The following CHD9 variants were observed in gnomAD, a reference collection of about 807,000 sequenced individuals.
CHD9 encodes the protein chromodomain helicase DNA binding protein 9.
A neutral mutation model predicts 316.1 loss-of-function variants in CHD9; 77 were observed. That is an observed-to-expected ratio of 0.24 (90% CI 0.20 to 0.29). The LOEUF is 0.29. Ranked by LOEUF, CHD9 falls within the 10% of genes least tolerant of loss-of-function variation. CHD9 has a pLI of 1.00. For synonymous variants in CHD9, 1,129 were observed against 1,158.3 expected (o/e 0.97, Z 0.51); for missense variants, 2,763 against 3,438.1 (o/e 0.80, Z 4.91).
At chr16:53,311,047 A>G (rs2153095057) in intron 34 of CHD9, 1 of 151,880 alleles carries the variant, frequency 6.6e-6, no homozygotes, top group Admixed American at 6.6e-5. Context: ...TTAGCTGGAT[A>G]TGGTGGTGTG....
At chr16:53,227,238 T>C in intron 5 of CHD9, 158 bp from the exon 6 acceptor site, 2 of 531,088 alleles carry the variant, frequency 3.8e-6, no homozygotes, top group Non-Finnish European at 6.7e-6. Flanking sequence ...CAATGATATA[T>C]TTTTTTCATT....
intron 1 of CHD9, among the ~76,000 whole-genome samples, chr16:53,146,624 C>T (rs1422322412): frequency 1.3e-5 from 2 of 149,450 alleles, no homozygotes; most frequent in African/African-American, 2.5e-5. Context: ...ATAGCAAAAC[C>T]CCATCTCTGC....
chr16:53,231,747 A>C lies in CHD9; in HGVS notation c.2474A>C (p.Glu825Ala). Residue 825 changes from glutamate (E) to alanine (A), a missense_variant, in exon 10 of 39, where the codon GAA becomes GCA. Glu to Ala is a moderately radical substitution (Grantham distance 107). Coordinates refer to ENST00000447540, the MANE Select transcript of CHD9 (RefSeq NM_001308319.2). ...GATCTTGCAAAAATAGAAGAGTTTG[A>C]ACAACTGCAAGCTTCAAGGCCTGAC... ...DVDLAKIEEFEQLQASRPDTR... is the reference protein window; with the variant it reads ...DVDLAKIEEFAQLQASRPDTR... 1 of 1,612,028 alleles carries C rather than the reference A, an allele frequency of 6.2e-7. No homozygotes were observed. The highest frequency in any genetic ancestry group is 8.5e-7 in the Non-Finnish European group (1 of 1,179,104).
Position 53,157,153 on chromosome 16 carries a change from C to T in CHD9, c.1064C>T (p.Ser355Phe), listed in dbSNP as rs772615275. The T allele has an allele frequency of 2.5e-6, 4 of 1,609,328 alleles. No individual in the cohort carries two copies. Residue 355 changes from serine (S) to phenylalanine (F), a missense_variant, in exon 2 of 39, where the codon TCT (serine) becomes TTT (phenylalanine). By Grantham distance (155) the Ser-to-Phe change is radical. This residue lies in a region of CHD9 where 859 missense variants were observed against 890.4 expected (regional missense o/e 0.96). Coordinates refer to ENST00000447540, the MANE Select transcript of CHD9 (RefSeq NM_001308319.2). The stretch of plus-strand genomic sequence containing the variant: ...GGTAATTATAGCAATTCAAAATTAT[C>T]TCCTGTGCACATGAACTTCCCAGAT... ...PQGNYSNSKL[S>F]PVHMNFPDPV...
intron 10 of CHD9, among the ~76,000 whole-genome samples, chr16:53,233,638 C>G (rs1038256442): frequency 3.3e-5 from 5 of 152,082 alleles, no homozygotes; most frequent in African/African-American, 1.2e-4. Context: ...TCCTTTCTGC[C>G]CATTCCCCTT....
At chr16:53,139,009 C>T (rs529623513) in intron 1 of CHD9, among the ~76,000 whole-genome samples, 2 of 151,636 alleles carry the variant, frequency 1.3e-5, no homozygotes, top group South Asian at 2.1e-4. Flanking sequence ...TGTGGGAGGG[C>T]GTAAGTCTTT....
At chr16:53,071,762 T>C (rs2034074930) in intron 1 of CHD9, among the ~76,000 whole-genome samples, 1 of 152,190 alleles carries the variant, frequency 6.6e-6, no homozygotes, top group Non-Finnish European at 1.5e-5. Flanking sequence ...GTTGTCTGTC[T>C]TTCTGGCCCA....
chr16:53,106,414 G>A (rs1287143845), intron 1 of CHD9, among the ~76,000 whole-genome samples: 4 of 152,124 alleles, frequency 2.6e-5, no homozygotes, highest in African/African-American at 4.8e-5. Context: ...ATAGTAAAAG[G>A]TATAAACACC....
At position 53,303,811 on chromosome 16, in the gene CHD9, G is replaced by A; in HGVS notation, c.5805G>A (p.Arg1935=). ...LYRIELLRKV[R]EQALRHPQLF... ...GCATTGAACTTCTAAGGAAAGTACG[G>A]GAACAGGCCCTTCGACATCCACAGT... is the stretch of plus-strand genomic sequence containing the variant. Residue 1935 remains arginine, a synonymous_variant, in exon 31 of 39, where the codon CGG becomes CGA. Coordinates refer to ENST00000447540, the MANE Select transcript of CHD9 (RefSeq NM_001308319.2). 6.2e-7 allele frequency: 1 copy of A among 1,614,018 alleles called. No homozygotes were observed. The highest frequency in any genetic ancestry group is 8.5e-7 in the Non-Finnish European group (1 of 1,179,888).
chr16:53,243,967 C>A (rs994756302), intron 13 of CHD9, among the ~76,000 whole-genome samples: 3 of 152,146 alleles, frequency 2.0e-5, no homozygotes, highest in Non-Finnish European at 4.4e-5. Flanking sequence ...CAGTTCAACA[C>A]CTCATTCCAG....
In CHD9 at chr16:53,306,391, G is replaced by A; in HGVS notation, c.6774G>A (p.Trp2258Ter). 2 of 1,570,586 alleles carry A rather than the reference G, an allele frequency of 1.3e-6. No homozygotes were observed. The highest frequency in any genetic ancestry group is 1.7e-6 in the Non-Finnish European group (2 of 1,164,124). Reference protein sequence around the residue: ...QGGYMLAASYWPKDRVMINRL... With the variant: ...QGGYMLAASY ...GATATATGCTGGCAGCCTCGTATTG[G>A]CCAAAGGTAAAGAAATAATTTCTTA... The change falls in exon 32 of 39, where the codon TGG (tryptophan) becomes TGA (stop). Residue 2258 changes from tryptophan to a stop codon, truncating the protein, a stop_gained. Coordinates refer to ENST00000447540, the MANE Select transcript of CHD9 (RefSeq NM_001308319.2). LOFTEE classifies it high-confidence loss of function.
At chr16:53,162,780 A>T (rs1166917134) in intron 2 of CHD9, among the ~76,000 whole-genome samples, 1 of 148,924 alleles carries the variant, frequency 6.7e-6, no homozygotes, top group African/African-American at 2.5e-5. Context: ...AGCACATATA[A>T]GCCTTTTTTT....
intron 1 of CHD9, among the ~76,000 whole-genome samples, chr16:53,093,792 G>A (rs758538335): frequency 7.9e-5 from 12 of 152,130 alleles, no homozygotes; most frequent in Non-Finnish European, 1.6e-4. Context: ...CTCCTGGCTC[G>A]TTTCTGTGCT....
chr16:53,314,486 CT>C lies in CHD9; in HGVS notation c.7338del (p.Phe2446LeufsTer12). On this transcript the variant is annotated frameshift_variant, in exon 35 of 39. Transcript: ENST00000447540. LOFTEE classifies it high-confidence loss of function. ...RKNVEGVDIF[F>X]FNRNKPPNHV... The stretch of plus-strand genomic sequence containing the variant: ...AGAATGTAGAAGGTGTTGACATCTT[CT>C]TTTTTAACAGAAATAAACCACCTAA... The C allele has an allele frequency of 1.3e-6, 2 of 1,578,924 alleles. No homozygotes were observed. The highest frequency in any genetic ancestry group is 1.7e-6 in the Non-Finnish European group (2 of 1,161,354).
chr16:53,189,677 A>AT (rs761226212), intron 2 of CHD9, among the ~76,000 whole-genome samples: 55 of 152,086 alleles, frequency 3.6e-4, no homozygotes, highest in Non-Finnish European at 6.9e-4. Flanking sequence ...CTGTGTTTGT[A>AT]TTTTGGCTTT....
chr16:53,146,571 G>A (rs1159972649), intron 1 of CHD9, among the ~76,000 whole-genome samples: 4 of 150,834 alleles, frequency 2.7e-5, no homozygotes, highest in African/African-American at 7.3e-5. Context: ...GCCGAGGCGG[G>A]TGGATCACTT....
intron 2 of CHD9, among the ~76,000 whole-genome samples, chr16:53,190,448 G>C (rs1281508787): frequency 6.6e-6 from 1 of 151,804 alleles, no homozygotes; most frequent in African/African-American, 2.4e-5. Flanking sequence ...GAAATACAAG[G>C]CTGCATCTCA....
chr16:53,250,678 C>A (rs1045039959), intron 17 of CHD9: 1 of 151,632 alleles, frequency 6.6e-6, no homozygotes, highest in Non-Finnish European at 1.5e-5. Context: ...TATACTTGGA[C>A]TACATAGAAA....
chr16:53,316,327 A>G (rs546341659), intron 36 of CHD9, among the ~76,000 whole-genome samples: 3 of 152,312 alleles, frequency 2.0e-5, no homozygotes, highest in East Asian at 1.9e-4. Flanking sequence ...AGGGATTACT[A>G]TGTACTACTT....
Sources: allele counts gnomAD v4.1 joint callset (sites outside exome capture counted in the v4.1 genomes callset), GRCh38; gene constraint gnomAD v4.1.1; regional missense constraint gnomAD v4.1.1; transcripts MANE v1.5; gene names NCBI Gene and HGNC (gene_info 2026-07-23, HGNC 2026-07-21).